Variants in SMIM7 observed in about 807,000 individuals in gnomAD.
The protein encoded by SMIM7 is UPF0608 protein C19orf42.
A neutral mutation model predicts 13.3 loss-of-function variants in SMIM7; 12 were observed. The observed-to-expected ratio is 0.90, with a 90% CI of 0.58 to 1.46. The LOEUF is 1.46. Among genes scored for constraint, SMIM7 ranks in the 40% most tolerant of loss-of-function variants. The pLI is 0.00. For missense variants in SMIM7, 114 were observed against 94.8 expected (o/e 1.20, Z -0.84); for synonymous variants, 36 against 35.8 (o/e 1.01, Z -0.02).
At chr19:16,642,345 G>A (rs1226214481), downstream of SMIM7, among the ~76,000 whole-genome samples, 8 of 152,042 alleles carry the variant, frequency 5.3e-5, no homozygotes, top group Non-Finnish European at 8.8e-5. Flanking sequence ...GTCACTTGAG[G>A]GCAGAAGTTT....
In SMIM7 at chr19:16,646,995, A is replaced by T. The variant is rs199888197; in HGVS notation, c.*251T>A. Reference sequence around the variant, plus strand: ...ATGCAATTTCATCACAGCCCCTTACATAAACGCTCCTGAAACCCTTTCAGT... The same window carrying T: ...ATGCAATTTCATCACAGCCCCTTACTTAAACGCTCCTGAAACCCTTTCAGT... On this transcript the variant is annotated 3_prime_UTR_variant, in exon 5 of 5. Coordinates refer to ENST00000487416, the MANE Select transcript of SMIM7 (RefSeq NM_024104.4). The T allele has an allele frequency of 4.8e-4, 280 of 582,784 alleles. 1 individual carries two copies. In the East Asian group the frequency reaches 7.9e-3, roughly 17 times the overall value. 36.1% of individuals were successfully genotyped at this position (582,784 alleles called of 1,614,324 possible). A position where few individuals can be genotyped will look rare whatever the true frequency, so the allele number is the denominator to read the frequency against.
intron 3 of SMIM7, chr19:16,655,377 T>G (rs1206252388): frequency 2.2e-6 from 1 of 455,868 alleles, no homozygotes; most frequent in African/African-American, 2.0e-5. Context: ...CCCTCCAGAA[T>G]GAAAAGAATG....
chr19:16,657,405 G>A (rs1454978083), intron 3 of SMIM7, among the ~76,000 whole-genome samples: 1 of 152,214 alleles, frequency 6.6e-6, no homozygotes, highest in East Asian at 1.9e-4. Flanking sequence ...GCCTGGTAGT[G>A]CCTTCCACGT....
In SMIM7 at chr19:16,659,959, A is replaced by T. The variant is rs781079606; in HGVS notation, c.68T>A (p.Leu23Gln). 1 of 1,611,782 alleles carries T rather than the reference A, an allele frequency of 6.2e-7. No individual in the cohort carries two copies. The highest frequency in any genetic ancestry group is 1.7e-5 in the Admixed American group (1 of 59,418). The stretch of plus-strand genomic sequence containing the variant: ...CGCAGTCCGGCCGCGACCTACTCAC[A>T]GCTTAAAGTTCAGCACCGCCCCGGC... ...MNAGAVLNFK[L>Q]KKKDTQGFGE... The change falls in exon 2 of 5, where the codon CTG (leucine) becomes CAG (glutamine). Residue 23 changes from leucine to glutamine, a missense_variant and splice_region_variant. Leu to Gln is a moderately radical substitution (Grantham distance 113, BLOSUM62 -2). Coordinates refer to ENST00000487416, the MANE Select transcript of SMIM7 (RefSeq NM_024104.4).
At chr19:16,637,956 T>A (rs1390512084) in intron 4 of SMIM7, among the ~76,000 whole-genome samples, 1 of 151,834 alleles carries the variant, frequency 6.6e-6, no homozygotes, top group Non-Finnish European at 1.5e-5. Context: ...AAGGGTGGGG[T>A]GATAAGCTGA....
chr19:16,652,883 C>A, intron 4 of SMIM7: 1 of 1,550,484 alleles, frequency 6.4e-7, no homozygotes, highest in Non-Finnish European at 8.7e-7. Context: ...TACAGCAAAT[C>A]TCACAATTCG....
downstream of SMIM7, among the ~76,000 whole-genome samples, chr19:16,643,455 G>T (rs1047464739): frequency 2.0e-5 from 3 of 152,172 alleles, no homozygotes; most frequent in Non-Finnish European, 4.4e-5. Context: ...TCAGGCTGAA[G>T]TGCACCACTC....
intron 4 of SMIM7, chr19:16,652,231 T>G (rs1452781625): frequency 6.6e-6 from 1 of 152,330 alleles, no homozygotes; most frequent in East Asian, 1.9e-4. Context: ...AGACAGGGTC[T>G]TCTTCTGTTG....
Position 16,646,971 on chromosome 19 carries a change from T to C in SMIM7, c.*275A>G, listed in dbSNP as rs1028271375. 8 of 540,248 alleles carry C rather than the reference T, an allele frequency of 1.5e-5. No homozygotes were observed. The highest frequency in any genetic ancestry group is 2.4e-5 in the South Asian group (1 of 42,002). 33.5% of individuals were successfully genotyped at this position (540,248 alleles called of 1,614,324 possible). ...TGATTTTTCTTTTATCTATGGGGAA[T>C]GCAATTTCATCACAGCCCCTTACAT... On this transcript the variant is annotated 3_prime_UTR_variant, in exon 5 of 5. Coordinates refer to ENST00000487416, the MANE Select transcript of SMIM7 (RefSeq NM_024104.4).
At chr19:16,654,243 A>G (rs1301713259) in intron 3 of SMIM7, 118 bp from the exon 4 acceptor site, 1 of 744,806 alleles carries the variant, frequency 1.3e-6, no homozygotes, top group East Asian at 2.6e-5. Context: ...AACTTCGGCA[A>G]CAGTGTGGCT....
chr19:16,635,900 ATAT>A (rs373388905), intron 4 of SMIM7, among the ~76,000 whole-genome samples: 4 of 83,708 alleles, frequency 4.8e-5, no homozygotes, highest in African/African-American at 2.6e-4. Context: ...AAAAAAAAAA[ATAT>A]ATATATATAT....
chr19:16,650,496 G>C (rs1010496990), intron 4 of SMIM7, among the ~76,000 whole-genome samples: 11 of 152,154 alleles, frequency 7.2e-5, no homozygotes, highest in Non-Finnish European at 1.3e-4. Context: ...AATCATTTGA[G>C]GTCAGGAGTT....
At chr19:16,638,193 G>A (rs924701321) in intron 4 of SMIM7, among the ~76,000 whole-genome samples, 7 of 152,026 alleles carry the variant, frequency 4.6e-5, no homozygotes, top group African/African-American at 1.7e-4. Context: ...ACTTAAAGCC[G>A]GAGGCGGAGG....
chr19:16,645,054 T>C (rs140009313), downstream of SMIM7: 9 of 152,270 alleles, frequency 5.9e-5, no homozygotes, highest in South Asian at 2.1e-4. Context: ...TGTGAGACAC[T>C]AGGCACCCAA....
rs1599380498 is a variant in SMIM7, at chr19:16,659,718, G to C, written c.68+241C>G. 4.6e-6 allele frequency: 3 copies of C among 657,950 alleles called. No individual in the cohort carries two copies. The East Asian group carries it at 8.1e-5, about 18-fold the overall frequency. 40.8% of individuals were successfully genotyped at this position (657,950 alleles called of 1,614,324 possible). A position where few individuals can be genotyped will look rare whatever the true frequency, so the allele number is the denominator to read the frequency against. ...GGTGGGGCTATTTCTTGGGGGATGG[G>C]GCTTAAGCTCTCCAGGAAGGTGAAC... On this transcript the variant is annotated intron_variant, in intron 2 of 4. Coordinates refer to ENST00000487416, the MANE Select transcript of SMIM7 (RefSeq NM_024104.4).
rs2086560936 is a variant in SMIM7, at chr19:16,653,828, G to A, written c.212+207C>T. ...GAGAATCGCTTAGACCTAAGAGGCC[G>A]AGGTTGCAGTGAGCCCAGATCGCAC... On this transcript the variant is annotated intron_variant, in intron 4 of 4. Coordinates refer to ENST00000487416, the MANE Select transcript of SMIM7 (RefSeq NM_024104.4). The A allele has an allele frequency of 1.8e-5, 10 of 547,634 alleles. No individual in the cohort carries two copies. In the Middle Eastern group the frequency reaches 1.4e-3, roughly 78 times the overall value. The allele number at this position is 547,634 out of a possible 1,614,324, so 33.9% of individuals were successfully genotyped here.
Position 16,659,902 on chromosome 19 carries a change from G to A in SMIM7, c.68+57C>T. 1.9e-6 allele frequency: 3 copies of A among 1,564,228 alleles called. No homozygotes were observed. In the South Asian group the frequency reaches 3.5e-5, roughly 18 times the overall value. On this transcript the variant is annotated intron_variant, in intron 2 of 4. Coordinates refer to ENST00000487416, the MANE Select transcript of SMIM7 (RefSeq NM_024104.4). Reference sequence around the variant, plus strand: ...AGAAGTGCGCCGAGATCACGCTTATGAGGGCGGGGCTACGGGTTCCCCGGA... The same window carrying A: ...AGAAGTGCGCCGAGATCACGCTTATAAGGGCGGGGCTACGGGTTCCCCGGA...
At chr19:16,645,456 C>T (rs2086439791), downstream of SMIM7, 3 of 152,130 alleles carry the variant, frequency 2.0e-5, no homozygotes, top group South Asian at 2.1e-4. Context: ...CCAGCAGCTC[C>T]GATCTCTGCT....
rs774098375 is a variant in SMIM7, at chr19:16,660,077, C to T, written c.26+8G>A. 8.1e-6 allele frequency: 13 copies of T among 1,614,234 alleles called. No individual in the cohort carries two copies. The highest frequency in any genetic ancestry group is 1.0e-5 in the Non-Finnish European group (12 of 1,180,044). ...TCTCTCTTCCCAGCCTCTGGTCCCC[C>T]TAATTACCCGAACAGCAGGATGTCT... On this transcript the variant is annotated splice_region_variant and intron_variant, in intron 1 of 4. Transcript: ENST00000487416.
Sources: allele counts gnomAD v4.1 joint callset (sites outside exome capture counted in the v4.1 genomes callset), GRCh38; gene constraint gnomAD v4.1.1; transcripts MANE v1.5; gene names NCBI Gene and HGNC (gene_info 2026-07-23, HGNC 2026-07-21).